The following CDK6 variants were observed in gnomAD, a reference collection of about 807,000 sequenced individuals.
CDK6 encodes the protein cyclin-dependent kinase 6.
CDK6 carries 6 observed loss-of-function variants against 37.1 expected under a neutral mutation model. The observed-to-expected ratio is 0.16, with a 90% CI of 0.09 to 0.32. The LOEUF (loss-of-function observed/expected upper bound fraction) is 0.32. Ranked by LOEUF, CDK6 falls within the 10% of genes least tolerant of loss-of-function variation. The probability of loss-of-function intolerance (pLI) is 1.00; values close to 1 mark genes in which losing one functional copy is unlikely to be tolerated. For synonymous variants in CDK6, 160 were observed against 161.3 expected (o/e 0.99, Z 0.06); for missense variants, 224 against 418.9 (o/e 0.53, Z 4.06).
At chr7:92,821,795 G>T (rs1038800439) in intron 2 of CDK6, among the ~76,000 whole-genome samples, 1 of 151,796 alleles carries the variant, frequency 6.6e-6, no homozygotes, top group South Asian at 2.1e-4. Context: ...CCCATTACGT[G>T]ATCACAATCA....
At chr7:92,780,543 G>A (rs556316682) in intron 2 of CDK6, among the ~76,000 whole-genome samples, 1 of 151,868 alleles carries the variant, frequency 6.6e-6, no homozygotes, top group South Asian at 2.1e-4. Context: ...GGCGGCTCAC[G>A]AGGTCAGGAG....
rs1444766473 is a variant in CDK6 at position 92,643,106 on chromosome 7, C to T, written c.648-20020G>A. ...TTGGCCATGTTGCCCAGGATGGTCT[C>T]GAACTCCTGGACTCAAGTGATCTGC... is the stretch of plus-strand genomic sequence containing the variant. On this transcript the variant is annotated intron_variant, in intron 5 of 7. Coordinates refer to ENST00000424848, the MANE Select transcript of CDK6 (RefSeq NM_001145306.2). Among the ~76,000 whole-genome samples, 3 of 152,064 alleles carry T rather than the reference C, an allele frequency of 2.0e-5. No homozygotes were observed. The East Asian group carries it at 5.8e-4, about 29-fold the overall frequency.
intron 3 of CDK6, among the ~76,000 whole-genome samples, chr7:92,752,173 T>A (rs971961422): frequency 7.2e-5 from 11 of 152,182 alleles, no homozygotes; most frequent in African/African-American, 2.7e-4. Context: ...TGCATGAGAA[T>A]GTCCTAGGCT....
In CDK6 at chr7:92,612,540, G is replaced by A; in HGVS notation, c.*2600C>T. On this transcript the variant is annotated 3_prime_UTR_variant, in exon 8 of 8. Coordinates refer to ENST00000424848, the MANE Select transcript of CDK6 (RefSeq NM_001145306.2). ...CAACAACTACACCGATGGAAGAACTGGGGACAGATTTTTACAAAGTTCAGA... is the reference window on the plus strand; with the variant it reads ...CAACAACTACACCGATGGAAGAACTAGGGACAGATTTTTACAAAGTTCAGA... 4.3e-6 allele frequency: 1 copy of A among 233,068 alleles called. No homozygotes were observed. The highest frequency in any genetic ancestry group is 8.5e-6 in the Non-Finnish European group (1 of 117,942). 14.4% of individuals were successfully genotyped at this position (233,068 alleles called of 1,614,324 possible).
At chr7:92,793,724 C>A (rs907451393) in intron 2 of CDK6, among the ~76,000 whole-genome samples, 1 of 151,984 alleles carries the variant, frequency 6.6e-6, no homozygotes, top group African/African-American at 2.4e-5. Flanking sequence ...AAAACATAAG[C>A]AATATTAGAA....
intron 5 of CDK6, among the ~76,000 whole-genome samples, chr7:92,632,167 T>C (rs1306105467): frequency 6.6e-6 from 1 of 152,112 alleles, no homozygotes; most frequent in Admixed American, 6.6e-5. Context: ...CACCTTTCTC[T>C]TGCAAAAACT....
intron 2 of CDK6, among the ~76,000 whole-genome samples, chr7:92,811,308 C>G (rs1277709029): frequency 6.6e-6 from 1 of 151,988 alleles, no homozygotes; most frequent in African/African-American, 2.4e-5. Flanking sequence ...GTGCTCAAAC[C>G]CCAATGTAGC....
At chr7:92,761,250 T>C (rs1799449647) in intron 3 of CDK6, among the ~76,000 whole-genome samples, 1 of 152,162 alleles carries the variant, frequency 6.6e-6, no homozygotes, top group South Asian at 2.1e-4. Context: ...AAAATATTTG[T>C]TTACATATTA....
chr7:92,790,669 C>T (rs977596819), intron 2 of CDK6, among the ~76,000 whole-genome samples: 4 of 152,108 alleles, frequency 2.6e-5, no homozygotes, highest in Non-Finnish European at 4.4e-5. Context: ...AGTGTATACA[C>T]ATATACTTAT....
In CDK6 at chr7:92,615,051, C is replaced by T. The variant is rs926972376; in HGVS notation, c.*89G>A. 2.1e-6 allele frequency: 3 copies of T among 1,402,520 alleles called. No homozygotes were observed. The African/African-American group carries it at 4.3e-5, about 20-fold the overall frequency. The allele number at this position is 1,402,520 out of a possible 1,614,324, so 86.9% of individuals were successfully genotyped here. On this transcript the variant is annotated 3_prime_UTR_variant, in exon 8 of 8. Transcript: ENST00000424848. ...GCTGGAAGGCCTCCAGATAGCAATC[C>T]TCCACAGCTCTGTAGGGCTTGCTGA...
intron 5 of CDK6, among the ~76,000 whole-genome samples, chr7:92,666,973 C>G (rs1796971426): frequency 6.6e-6 from 1 of 152,128 alleles, no homozygotes; most frequent in Admixed American, 6.6e-5. Flanking sequence ...CAGGGGATGA[C>G]AGTTCCATGC....
intron 4 of CDK6, chr7:92,710,540 C>T (rs767559828): frequency 9.9e-6 from 2 of 202,306 alleles, no homozygotes; most frequent in Non-Finnish European, 1.8e-5. Flanking sequence ...CTTCTTATAT[C>T]AGATTTAAAC....
At position 92,707,591 on chromosome 7, in the gene CDK6, A is replaced by T. The variant is rs577271181; in HGVS notation, c.537+18035T>A. ...ACAAGGGAAGAAATTCTAAAACAAC[A>T]TCAATGGAGTCACTGTTTAAAGAAA... On this transcript the variant is annotated intron_variant, in intron 4 of 7. Transcript: ENST00000424848. 1.5e-3 allele frequency among the ~76,000 whole-genome samples: 224 copies of T among 152,340 alleles called. 1 individual carries two copies. Among genetic ancestry groups the T allele is most frequent in the African/African-American group, 4.9e-3 (204 of 41,586 alleles).
Position 92,733,266 on chromosome 7 carries a change from G to A in CDK6, c.370-7473C>T, listed in dbSNP as rs190188922. Among the ~76,000 whole-genome samples the A allele has an allele frequency of 3.3e-3, 504 of 151,710 alleles. 5 individuals are homozygous for A. Among genetic ancestry groups the A allele is most frequent in the African/African-American group, 0.011 (458 of 41,300 alleles). On this transcript the variant is annotated intron_variant, in intron 3 of 7. Coordinates refer to ENST00000424848, the MANE Select transcript of CDK6 (RefSeq NM_001145306.2). ...TCCTTCCATTAATGTTTATAATATC[G>A]CCTTTGCCATCACTATCATTTACTG...
intron 7 of CDK6, among the ~76,000 whole-genome samples, chr7:92,617,462 C>T (rs1489621199): frequency 6.6e-6 from 1 of 152,154 alleles, no homozygotes; most frequent in East Asian, 1.9e-4. Context: ...TTTCAGACAT[C>T]AAGAACAGCC....
At chr7:92,645,404 A>G (rs1796422850) in intron 5 of CDK6, among the ~76,000 whole-genome samples, 1 of 152,230 alleles carries the variant, frequency 6.6e-6, no homozygotes, top group African/African-American at 2.4e-5. Flanking sequence ...TACAAGAAAG[A>G]TAAGTAAATG....
intron 3 of CDK6, among the ~76,000 whole-genome samples, chr7:92,746,273 G>C (rs1799055678): frequency 6.6e-6 from 1 of 152,252 alleles, no homozygotes; most frequent in South Asian, 2.1e-4. Flanking sequence ...TGAGAAGTGA[G>C]AAGTCTCAGT....
intron 4 of CDK6, among the ~76,000 whole-genome samples, chr7:92,674,312 A>C (rs1023311437): frequency 1.2e-4 from 18 of 152,210 alleles, no homozygotes; most frequent in African/African-American, 3.9e-4. Flanking sequence ...ACCAGCTGCT[A>C]TCTGAAAATC....
intron 2 of CDK6, among the ~76,000 whole-genome samples, chr7:92,778,043 C>T (rs1249373068): frequency 6.6e-6 from 1 of 151,566 alleles, no homozygotes; most frequent in Non-Finnish European, 1.5e-5. Flanking sequence ...CTTTATGGAC[C>T]CCACATTTGG....
Sources: gnomAD v4.1 joint callset for allele counts (sites outside exome capture counted in the v4.1 genomes callset) on GRCh38, gnomAD v4.1.1 for gene constraint, MANE v1.5 for transcripts, NCBI Gene and HGNC (gene_info 2026-07-23, HGNC 2026-07-21) for gene names.